Variants in STAG1 observed in about 807,000 individuals in gnomAD.
The protein encoded by STAG1 is STAG1 cohesin complex component.
Under a neutral mutation model 170.9 loss-of-function variants are expected in STAG1, and 26 were observed. That is an observed-to-expected ratio of 0.15 (90% CI 0.11 to 0.21). STAG1 has a LOEUF of 0.21. Among genes scored for constraint, STAG1 ranks in the 10% least tolerant of loss-of-function variants. STAG1 has a pLI of 1.00. For missense variants in STAG1, 964 were observed against 1,509.5 expected, an observed-to-expected ratio of 0.64 and a Z score of 5.99; for synonymous variants, 514 against 497.7, an observed-to-expected ratio of 1.03 and a Z score of -0.44.
intron 1 of STAG1, among the ~76,000 whole-genome samples, chr3:136,713,428 C>T (rs750934053): frequency 4.6e-5 from 7 of 151,820 alleles, no homozygotes; most frequent in African/African-American, 9.7e-5. Flanking sequence ...ACTAAAAATG[C>T]AACAATTAGC....
At chr3:136,453,101 C>T (rs927414155) in intron 13 of STAG1, among the ~76,000 whole-genome samples, 1 of 152,066 alleles carries the variant, frequency 6.6e-6, no homozygotes, top group African/African-American at 2.4e-5. Flanking sequence ...TAACATATAA[C>T]CAAATGTTTC....
intron 21 of STAG1, 32 bp from the exon 22 acceptor site, chr3:136,398,861 A>T (rs758114403): frequency 1.5e-6 from 2 of 1,302,786 alleles, no homozygotes; most frequent in Non-Finnish European, 2.1e-6. Context: ...TTTTTTAATG[A>T]AAAATTCAAA....
intron 29 of STAG1, among the ~76,000 whole-genome samples, chr3:136,345,498 T>C (rs1443446160): frequency 1.3e-5 from 2 of 150,440 alleles, no homozygotes; most frequent in African/African-American, 2.5e-5. Context: ...TTTTGCTATG[T>C]TGCCTAGGCT....
chr3:136,531,582 T>C (rs2107929103), intron 6 of STAG1, among the ~76,000 whole-genome samples: 1 of 151,880 alleles, frequency 6.6e-6, no homozygotes, highest in East Asian at 1.9e-4. Context: ...ATTGCAGCCA[T>C]AAAAATGATG....
intron 9 of STAG1, among the ~76,000 whole-genome samples, chr3:136,487,650 A>C (rs1358643386): frequency 4.6e-5 from 7 of 152,200 alleles, no homozygotes; most frequent in Non-Finnish European, 7.3e-5. Flanking sequence ...ATAGATCATA[A>C]TACATAACAT....
intron 1 of STAG1, among the ~76,000 whole-genome samples, chr3:136,662,147 T>TA (rs796870979): frequency 8.8e-5 from 13 of 148,132 alleles, no homozygotes; most frequent in African/African-American, 3.2e-4. Context: ...AAAACACAGT[T>TA]AGACTCTTTT....
intron 1 of STAG1, among the ~76,000 whole-genome samples, chr3:136,690,577 AC>A (rs1459031824): frequency 1.3e-5 from 2 of 152,020 alleles, no homozygotes; most frequent in East Asian, 3.9e-4. Context: ...ATCATGAGCA[AC>A]CCCAAAGGCA....
At chr3:136,458,468 G>A (rs2089181100) in intron 13 of STAG1, among the ~76,000 whole-genome samples, 1 of 152,044 alleles carries the variant, frequency 6.6e-6, no homozygotes, top group Non-Finnish European at 1.5e-5. Flanking sequence ...AAAATAACCT[G>A]TTTTAACTAC....
At chr3:136,449,753 T>C (rs2088883374) in intron 14 of STAG1, among the ~76,000 whole-genome samples, 1 of 152,186 alleles carries the variant, frequency 6.6e-6, no homozygotes, top group Non-Finnish European at 1.5e-5. Context: ...TACTCATGCC[T>C]TTTAATAAAT....
At chr3:136,454,202 C>T (rs1291561520) in intron 13 of STAG1, among the ~76,000 whole-genome samples, 1 of 152,080 alleles carries the variant, frequency 6.6e-6, no homozygotes, top group East Asian at 1.9e-4. Context: ...CCTCAGCCTC[C>T]CAAGTTGCTG....
chr3:136,401,123 A>G (rs2087313167), intron 21 of STAG1, among the ~76,000 whole-genome samples: 1 of 152,208 alleles, frequency 6.6e-6, no homozygotes, highest in African/African-American at 2.4e-5. Context: ...TGTAAAAAGG[A>G]AATAACATCT....
chr3:136,586,757 A>T, intron 4 of STAG1: 1 of 443,496 alleles, frequency 2.3e-6, no homozygotes, highest in Non-Finnish European at 4.5e-6. Context: ...ATGCACTAAC[A>T]TGGGGAAGCA....
chr3:136,603,892 A>AAAAGAAAG (rs963097348), intron 4 of STAG1, among the ~76,000 whole-genome samples: 7 of 152,014 alleles, frequency 4.6e-5, no homozygotes, highest in African/African-American at 1.7e-4. Context: ...GTCTCAAAAA[A>AAAAGAAAG]AAAGAAAGAA....
At chr3:136,669,308 A>C (rs760021442) in intron 1 of STAG1, among the ~76,000 whole-genome samples, 7 of 152,162 alleles carry the variant, frequency 4.6e-5, no homozygotes, top group Non-Finnish European at 1.0e-4. Flanking sequence ...AATAACATTA[A>C]TGGTCGTTGT....
intron 1 of STAG1, among the ~76,000 whole-genome samples, chr3:136,749,484 A>G (rs1249130537): frequency 6.6e-6 from 1 of 152,212 alleles, no homozygotes; most frequent in Non-Finnish European, 1.5e-5. Flanking sequence ...ACAGTGGCTC[A>G]CAACTGTAAT....
intron 9 of STAG1, among the ~76,000 whole-genome samples, chr3:136,494,737 A>G (rs1348054080): frequency 6.6e-6 from 1 of 152,242 alleles, no homozygotes; most frequent in African/African-American, 2.4e-5. Context: ...CCATCATGAT[A>G]AAAACACCCA....
At chr3:136,358,287 A>G (rs1287525892) in intron 27 of STAG1, among the ~76,000 whole-genome samples, 2 of 151,908 alleles carry the variant, frequency 1.3e-5, no homozygotes, top group Admixed American at 6.6e-5. Context: ...GTTTCGCCAT[A>G]TTGCCCAGGC....
intron 4 of STAG1, among the ~76,000 whole-genome samples, chr3:136,586,609 G>A (rs1315981896): frequency 6.6e-6 from 1 of 152,132 alleles, no homozygotes; most frequent in Non-Finnish European, 1.5e-5. Context: ...TAACCTGAAG[G>A]CAGTGAATGC....
At chr3:136,658,030 A>G (rs1337009934) in intron 1 of STAG1, among the ~76,000 whole-genome samples, 1 of 152,088 alleles carries the variant, frequency 6.6e-6, no homozygotes, top group Admixed American at 6.6e-5. Context: ...TATCATTTAA[A>G]AACAAAATGA....
Sources: gnomAD v4.1 joint callset for allele counts (sites outside exome capture counted in the v4.1 genomes callset) on GRCh38, gnomAD v4.1.1 for gene constraint, MANE v1.5 for transcripts, NCBI Gene and HGNC (gene_info 2026-07-23, HGNC 2026-07-21) for gene names.